The following MAP7 variants were observed in gnomAD, a reference collection of about 807,000 sequenced individuals.
MAP7 encodes microtubule associated protein 7, also known as ensconsin.
A neutral mutation model predicts 94.8 loss-of-function variants in MAP7; 52 were observed. The observed-to-expected ratio is 0.55, with a 90% CI of 0.44 to 0.69. The LOEUF (loss-of-function observed/expected upper bound fraction) is 0.69, where lower values mean the gene tolerates loss of function less well. MAP7 is among the 30% of genes least tolerant of loss of function. The pLI is 0.00. For missense variants in MAP7, 940 were observed against 964.6 expected, an observed-to-expected ratio of 0.97 and a Z score of 0.34; for synonymous variants, 350 against 357.0, an observed-to-expected ratio of 0.98 and a Z score of 0.22.
chr6:136,531,958 G>T (rs941369071), intron 1 of MAP7, among the ~76,000 whole-genome samples: 2 of 151,906 alleles, frequency 1.3e-5, no homozygotes, highest in Non-Finnish European at 2.9e-5. Context: ...TGATCTCAAA[G>T]AATGAAATAA....
intron 5 of MAP7, among the ~76,000 whole-genome samples, chr6:136,385,912 A>T (rs1426093376): frequency 6.6e-6 from 1 of 152,174 alleles, no homozygotes; most frequent in Non-Finnish European, 1.5e-5. Context: ...CTGGGATTAC[A>T]GGCATGTGCC....
chr6:136,348,082 C>T (rs1037454652), intron 16 of MAP7, among the ~76,000 whole-genome samples: 1 of 151,306 alleles, frequency 6.6e-6, no homozygotes, highest in Non-Finnish European at 1.5e-5. Context: ...GGCTGCCACA[C>T]CCATCTTCCT....
At chr6:136,502,341 T>C (rs983065301) in intron 1 of MAP7, among the ~76,000 whole-genome samples, 1 of 152,266 alleles carries the variant, frequency 6.6e-6, no homozygotes, top group African/African-American at 2.4e-5. Flanking sequence ...AATTATTCCC[T>C]GGCCAGATAA....
chr6:136,467,169 A>G (rs1461995311), intron 1 of MAP7, among the ~76,000 whole-genome samples: 2 of 152,232 alleles, frequency 1.3e-5, no homozygotes, highest in African/African-American at 2.4e-5. Flanking sequence ...AATGCACATT[A>G]AACATACATT....
intron 1 of MAP7, among the ~76,000 whole-genome samples, chr6:136,452,768 G>C (rs1801582523): frequency 6.6e-6 from 1 of 152,106 alleles, no homozygotes. Context: ...GGCCAGGCTG[G>C]TCTCGAACTG....
intron 1 of MAP7, among the ~76,000 whole-genome samples, chr6:136,539,958 G>A (rs1030490350): frequency 6.6e-6 from 1 of 152,160 alleles, no homozygotes; most frequent in African/African-American, 2.4e-5. Context: ...CAGCTTGGGC[G>A]ACAGAGCGAG....
intron 2 of MAP7, among the ~76,000 whole-genome samples, chr6:136,414,126 G>A (rs376354632): frequency 6.6e-6 from 1 of 150,816 alleles, no homozygotes; most frequent in African/African-American, 2.4e-5. Flanking sequence ...GGTAGCGGGC[G>A]CCTGTAGTCC....
intron 3 of MAP7, among the ~76,000 whole-genome samples, chr6:136,409,608 G>A (rs141212522): frequency 1.3e-5 from 2 of 152,218 alleles, no homozygotes; most frequent in East Asian, 3.9e-4. Flanking sequence ...CTATCCCTTT[G>A]AAAGGCTCCT....
intron 1 of MAP7, among the ~76,000 whole-genome samples, chr6:136,463,979 C>T (rs866858026): frequency 3.9e-5 from 6 of 152,156 alleles, no homozygotes; most frequent in Non-Finnish European, 8.8e-5. Flanking sequence ...GTTGGCCATA[C>T]CACATGACCT....
chr6:136,424,089 C>T (rs990837637), intron 1 of MAP7, among the ~76,000 whole-genome samples: 4 of 152,194 alleles, frequency 2.6e-5, no homozygotes, highest in East Asian at 3.9e-4. Flanking sequence ...TGAGCCACCA[C>T]GCCCAGCTGG....
Position 136,550,318 on chromosome 6 carries a change from C to T in MAP7, c.67+24G>A. On this transcript the variant is annotated intron_variant, in intron 1 of 17. Coordinates refer to ENST00000354570, the MANE Select transcript of MAP7 (RefSeq NM_003980.6). The surrounding 1 kb of genome is among the most constrained non-coding windows in gnomAD (Gnocchi z 5.1). ...CGCCGTCCCCTGCCCGACGGGACCC[C>T]CACTATCCCCGCTGTGCGGTCACCT... 6.7e-7 allele frequency: 1 copy of T among 1,498,950 alleles called. No homozygotes were observed. The highest frequency in any genetic ancestry group is 8.8e-7 in the Non-Finnish European group (1 of 1,130,400). 92.9% of individuals were successfully genotyped at this position (1,498,950 alleles called of 1,614,324 possible).
At chr6:136,388,546 A>C in intron 4 of MAP7, 36 bp from the exon 5 acceptor site, 1 of 1,556,132 alleles carries the variant, frequency 6.4e-7, no homozygotes, top group Non-Finnish European at 8.9e-7. Flanking sequence ...ATTAGATTCC[A>C]GCTGGTTGTT....
intron 3 of MAP7, among the ~76,000 whole-genome samples, chr6:136,409,444 A>G (rs1455534827): frequency 6.6e-6 from 1 of 152,232 alleles, no homozygotes; most frequent in Non-Finnish European, 1.5e-5. Flanking sequence ...TTGGCTCACC[A>G]AAAAAGTTAA....
At chr6:136,532,194 C>T (rs1030599887) in intron 1 of MAP7, among the ~76,000 whole-genome samples, 3 of 152,140 alleles carry the variant, frequency 2.0e-5, no homozygotes, top group African/African-American at 7.2e-5. Context: ...AAGTAAAAAC[C>T]CTAAGTGTCA....
intron 1 of MAP7, among the ~76,000 whole-genome samples, chr6:136,453,847 C>T (rs1801927093): frequency 6.6e-6 from 1 of 152,144 alleles, no homozygotes; most frequent in Non-Finnish European, 1.5e-5. Flanking sequence ...GAAGAAATAG[C>T]TTCATAGTAT....
At chr6:136,414,649 CT>C (rs922450947) in intron 2 of MAP7, among the ~76,000 whole-genome samples, 71 of 147,208 alleles carry the variant, frequency 4.8e-4, no homozygotes, top group East Asian at 4.1e-3. Context: ...TCATGAAAAA[CT>C]TTTTTTTTTT....
intron 1 of MAP7, among the ~76,000 whole-genome samples, chr6:136,495,244 C>T (rs545194513): frequency 6.6e-6 from 1 of 152,270 alleles, no homozygotes; most frequent in East Asian, 1.9e-4. Flanking sequence ...CTAACTTACT[C>T]CGAAAACTTT....
rs1217593494 is a variant in MAP7, at chr6:136,360,708, C to A, written c.1792G>T (p.Glu598Ter). The A allele has an allele frequency of 6.2e-7, 1 of 1,614,014 alleles. No homozygotes were observed. The highest frequency in any genetic ancestry group is 1.1e-5 in the South Asian group (1 of 91,086). Reference sequence around the variant, plus strand: ...TAAGACGCAGCTACCTTCTTTCTCTCCAGGCGCTCTTGCTCTTCTCTCTGG... The same window carrying A: ...TAAGACGCAGCTACCTTCTTTCTCTACAGGCGCTCTTGCTCTTCTCTCTGG... ...HFQREEQERL[E>*]RKKRLEEIMK... The change falls in exon 13 of 18, where the codon GAG becomes TAG. Residue 598 changes from glutamate to a stop codon, truncating the protein, a stop_gained. Coordinates refer to ENST00000354570, the MANE Select transcript of MAP7 (RefSeq NM_003980.6). LOFTEE classifies it high-confidence loss of function.
intron 1 of MAP7, among the ~76,000 whole-genome samples, chr6:136,431,502 T>TTATTTATC (rs1794885711): frequency 6.7e-6 from 1 of 148,376 alleles, no homozygotes; most frequent in African/African-American, 2.5e-5. Flanking sequence ...CTTTATTTAT[T>TTATTTATC]TATTTATTTA....
Sources: gnomAD v4.1 joint callset for allele counts (sites outside exome capture counted in the v4.1 genomes callset) on GRCh38, gnomAD v4.1.1 for gene constraint, Gnocchi (gnomAD v3.1) non-coding constraint, MANE v1.5 for transcripts, NCBI Gene and HGNC (gene_info 2026-07-23, HGNC 2026-07-21) for gene names.